ADAM18: variants seen among roughly 807,000 people sequenced by gnomAD.
ADAM18 encodes disintegrin and metalloproteinase domain-containing protein 18.
A neutral mutation model predicts 94.4 loss-of-function variants in ADAM18; 117 were observed. The ratio of observed to expected loss-of-function variants is 1.24; its 90% CI spans 1.07 to 1.45. The LOEUF is 1.45. Ranked by LOEUF, ADAM18 falls within the 40% of genes most tolerant of loss-of-function variation. ADAM18 has a pLI of 0.00. For synonymous variants in ADAM18, 327 were observed against 291.6 expected (o/e 1.12, Z -1.24); for missense variants, 936 against 880.0 (o/e 1.06, Z -0.81).
intron 17 of ADAM18, among the ~76,000 whole-genome samples, chr8:39,698,089 T>C (rs118095197): frequency 9.8e-4 from 149 of 152,002 alleles, no homozygotes; most frequent in Admixed American, 1.6e-3. Context: ...TGTACTGTGT[T>C]CCAAATACAT....
intron 19 of ADAM18, among the ~76,000 whole-genome samples, chr8:39,725,834 A>C (rs1822890803): frequency 6.6e-6 from 1 of 152,160 alleles, no homozygotes; most frequent in Non-Finnish European, 1.5e-5. Context: ...ATATCTCTTC[A>C]AGGTCCTGAT....
chr8:39,632,550 T>C (rs2129579162), intron 7 of ADAM18, among the ~76,000 whole-genome samples: 1 of 152,242 alleles, frequency 6.6e-6, no homozygotes, highest in Non-Finnish European at 1.5e-5. Context: ...AGTAACCTGA[T>C]CTTTTATTTA....
chr8:39,672,234 G>A (rs1821176715), intron 14 of ADAM18, among the ~76,000 whole-genome samples: 1 of 152,154 alleles, frequency 6.6e-6, no homozygotes, highest in African/African-American at 2.4e-5. Flanking sequence ...AAGGCCATAA[G>A]GAATGTGCTA....
chr8:39,710,885 T>A (rs1341835350), intron 18 of ADAM18, among the ~76,000 whole-genome samples: 2 of 152,178 alleles, frequency 1.3e-5, no homozygotes, highest in African/African-American at 4.8e-5. Context: ...TAGAATGCCA[T>A]ATGCATGATT....
chr8:39,719,770 T>G (rs1471929266), intron 18 of ADAM18, among the ~76,000 whole-genome samples: 1 of 151,408 alleles, frequency 6.6e-6, no homozygotes, highest in African/African-American at 2.4e-5. Context: ...CACATTAACT[T>G]TGGCCAAGAT....
chr8:39,708,862 T>G (rs924258422), intron 18 of ADAM18, among the ~76,000 whole-genome samples: 13 of 152,216 alleles, frequency 8.5e-5, no homozygotes, highest in Non-Finnish European at 1.5e-4. Flanking sequence ...GTGAGCACTT[T>G]TGAGCATTGG....
chr8:39,626,477 C>T (rs954397432), intron 6 of ADAM18, among the ~76,000 whole-genome samples: 12 of 151,702 alleles, frequency 7.9e-5, no homozygotes, highest in Middle Eastern at 3.4e-3. Flanking sequence ...TTCTCTAGTT[C>T]GTTGAGGTTG....
intron 16 of ADAM18, among the ~76,000 whole-genome samples, chr8:39,684,438 C>T (rs2129580658): frequency 6.6e-6 from 1 of 152,246 alleles, no homozygotes; most frequent in Non-Finnish European, 1.5e-5. Context: ...CTTGGATAAC[C>T]AAAATGTTTT....
chr8:39,720,719 A>G (rs868299082), intron 18 of ADAM18, among the ~76,000 whole-genome samples: 19 of 151,532 alleles, frequency 1.3e-4, no homozygotes, highest in Non-Finnish European at 2.5e-4. Flanking sequence ...AGGAATAACT[A>G]TGAAAAGAAG....
At chr8:39,611,457 T>C in intron 6 of ADAM18, 1 of 985,074 alleles carries the variant, frequency 1.0e-6, no homozygotes, top group Non-Finnish European at 1.2e-6. Context: ...TGAAACCAAC[T>C]ATCTGTATGG....
intron 2 of ADAM18, among the ~76,000 whole-genome samples, chr8:39,589,390 G>A (rs1468275072): frequency 6.6e-6 from 1 of 152,116 alleles, no homozygotes; most frequent in African/African-American, 2.4e-5. Context: ...GAATTAAGTT[G>A]TCATGGTAAG....
intron 2 of ADAM18, among the ~76,000 whole-genome samples, chr8:39,593,724 A>G (rs868529649): frequency 6.6e-6 from 1 of 152,176 alleles, no homozygotes; most frequent in Admixed American, 6.5e-5. Context: ...ATACCCATTT[A>G]GGATTATTAC....
chr8:39,698,919 A>T (rs1489261738), intron 17 of ADAM18, among the ~76,000 whole-genome samples: 1 of 152,094 alleles, frequency 6.6e-6, no homozygotes, highest in Non-Finnish European at 1.5e-5. Context: ...TCTAAGAATT[A>T]CAGCAGTGCT....
chr8:39,681,378 G>A (rs917368193), intron 16 of ADAM18, among the ~76,000 whole-genome samples: 1 of 152,204 alleles, frequency 6.6e-6, no homozygotes, highest in Non-Finnish European at 1.5e-5. Context: ...TGAGACTACA[G>A]TCCCAGATAA....
intron 6 of ADAM18, among the ~76,000 whole-genome samples, chr8:39,621,309 TCACACACACACA>T (rs55818122): frequency 0.14 from 18,481 of 128,826 alleles, 1,234 homozygotes; most frequent in African/African-American, 0.17. Flanking sequence ...CATGACAAAA[TCACACACACACA>T]CACACACACA....
At chr8:39,612,816 C>G (rs2129578566) in intron 6 of ADAM18, among the ~76,000 whole-genome samples, 1 of 152,280 alleles carries the variant, frequency 6.6e-6, no homozygotes, top group Admixed American at 6.5e-5. Context: ...CATCAGCAGA[C>G]CCTGCCTAAC....
intron 2 of ADAM18, among the ~76,000 whole-genome samples, chr8:39,595,709 A>T (rs1476136703): frequency 6.6e-6 from 1 of 151,948 alleles, no homozygotes; most frequent in Admixed American, 6.6e-5. Flanking sequence ...TTTTTAGTGG[A>T]GATGGGGTTT....
chr8:39,716,869 T>C (rs1020510821), intron 18 of ADAM18, among the ~76,000 whole-genome samples: 14 of 151,896 alleles, frequency 9.2e-5, no homozygotes, highest in African/African-American at 3.1e-4. Flanking sequence ...TTTATATACT[T>C]ATGTGGTCAG....
chr8:39,654,850 G>A (rs1295296633), intron 12 of ADAM18, among the ~76,000 whole-genome samples: 2 of 152,030 alleles, frequency 1.3e-5, no homozygotes, highest in African/African-American at 4.8e-5. Context: ...ATTTTGAGAA[G>A]TGCAGGGGAT....
Sources: gnomAD v4.1 joint callset for allele counts (sites outside exome capture counted in the v4.1 genomes callset) on GRCh38, gnomAD v4.1.1 for gene constraint, MANE v1.5 for transcripts, NCBI Gene and HGNC (gene_info 2026-07-23, HGNC 2026-07-21) for gene names.